The following LRRFIP2 variants were observed in gnomAD, a reference collection of about 807,000 sequenced individuals.
LRRFIP2 encodes the protein LRR binding FLII interacting protein 2, also known as leucine-rich repeat flightless-interacting protein 2.
Under a neutral mutation model 125.9 loss-of-function variants are expected in LRRFIP2, and 109 were observed. That is an observed-to-expected ratio of 0.87 (90% confidence interval 0.74 to 1.01). LRRFIP2 has a LOEUF of 1.01. LRRFIP2 is among the 50% of genes least tolerant of loss of function. The pLI, the probability that LRRFIP2 is intolerant of heterozygous loss-of-function variation, is 0.00. For missense variants in LRRFIP2, 850 were observed against 862.3 expected, an observed-to-expected ratio of 0.99 and a Z score of 0.18; for synonymous variants, 291 against 293.1, an observed-to-expected ratio of 0.99 and a Z score of 0.07.
intron 2 of LRRFIP2, among the ~76,000 whole-genome samples, chr3:37,138,906 G>T (rs201027496): frequency 6.6e-6 from 1 of 152,014 alleles, no homozygotes; most frequent in South Asian, 2.1e-4. Flanking sequence ...GCTTCTCTTT[G>T]GCATATCCAA....
chr3:37,114,757 C>G (rs1219545954), intron 7 of LRRFIP2, among the ~76,000 whole-genome samples: 2 of 151,484 alleles, frequency 1.3e-5, no homozygotes, highest in Non-Finnish European at 2.9e-5. Context: ...CCACTGCACT[C>G]CAGCCTGGTT....
intron 21 of LRRFIP2, among the ~76,000 whole-genome samples, chr3:37,070,334 G>A (rs1559698994): frequency 6.6e-6 from 1 of 151,582 alleles, no homozygotes; most frequent in Non-Finnish European, 1.5e-5. Flanking sequence ...GGCTGGTCTC[G>A]AACTCTTGAC....
chr3:37,108,278 C>G (rs2094421243), intron 12 of LRRFIP2, 149 bp from the exon 13 acceptor site: 1 of 645,428 alleles, frequency 1.5e-6, no homozygotes, highest in African/African-American at 1.8e-5. Context: ...ACCTCATCCC[C>G]ACCCTCAAGA....
chr3:37,065,336 C>G (rs991417094), intron 23 of LRRFIP2: 5 of 288,318 alleles, frequency 1.7e-5, no homozygotes, highest in Middle Eastern at 1.3e-3. Context: ...GGAAGTCATA[C>G]TTCTCTGATA....
chr3:37,153,878 GATCAAGGACT>G lies in LRRFIP2; in HGVS notation c.-55-4850_-55-4841del, dbSNP rs148984316. On this transcript the variant is annotated intron_variant, in intron 1 of 27. Transcript: ENST00000336686. ...TACCTTTTTCAGTTCACATGATGCA[GATCAAGGACT>G]ACCTAGTTCAAAGGATAACCTAGTA... 7.8e-4 allele frequency among the ~76,000 whole-genome samples: 118 copies of G among 152,234 alleles called. 1 individual carries two copies. In the East Asian group the frequency reaches 0.021, roughly 28 times the overall value.
intron 6 of LRRFIP2, among the ~76,000 whole-genome samples, chr3:37,118,069 C>T (rs1271712874): frequency 6.6e-6 from 1 of 152,080 alleles, no homozygotes; most frequent in African/African-American, 2.4e-5. Flanking sequence ...GGCAATGTAT[C>T]CCTACTGCTC....
intron 1 of LRRFIP2, among the ~76,000 whole-genome samples, 169 bp from the exon 2 acceptor site, chr3:37,149,207 C>T (rs889185172): frequency 6.6e-6 from 1 of 152,130 alleles, no homozygotes; most frequent in Non-Finnish European, 1.5e-5. Context: ...ACTAAAACTC[C>T]TACTTCTTTT....
chr3:37,111,128 A>G, intron 8 of LRRFIP2, 63 bp from the exon 9 acceptor site: 1 of 1,392,712 alleles, frequency 7.2e-7, no homozygotes, highest in Admixed American at 1.8e-5. Context: ...AACAACACAC[A>G]AAGGCAAAAC....
At chr3:37,173,980 A>AT (rs1279690962) in intron 1 of LRRFIP2, 2 of 152,194 alleles carry the variant, frequency 1.3e-5, no homozygotes, top group African/African-American at 4.8e-5. Context: ...TCCAAAAGGG[A>AT]TTTTCCAAAA....
At chr3:37,161,179 T>TAAAAAAAAAAA (rs60688555) in intron 1 of LRRFIP2, among the ~76,000 whole-genome samples, 1 of 88,142 alleles carries the variant, frequency 1.1e-5, no homozygotes, top group Non-Finnish European at 2.2e-5. Context: ...CCCCATCTAC[T>TAAAAAAAAAAA]AAAAAAAAAA....
chr3:37,154,013 CAA>C (rs767900386), intron 1 of LRRFIP2, among the ~76,000 whole-genome samples: 1 of 142,832 alleles, frequency 7.0e-6, no homozygotes, highest in African/African-American at 2.6e-5. Flanking sequence ...TCTGTCTTTA[CAA>C]AAAAAAAAAA....
rs1339869907 is a variant in LRRFIP2 at position 37,160,151 on chromosome 3, G to GGGGAA, written c.-55-11118_-55-11114dup. Among the ~76,000 whole-genome samples the GGGGAA allele has an allele frequency of 2.0e-5, 3 of 152,060 alleles. No individual in the cohort carries two copies. In the East Asian group the frequency reaches 5.8e-4, roughly 29 times the overall value. Reference sequence around the variant, plus strand: ...AAGTTCTAGAAGACAAAGGGGCTCTGGGGAAGGGAAGGGTAAGCAATGGGA... The same window carrying GGGGAA: ...AAGTTCTAGAAGACAAAGGGGCTCTGGGGAAGGGAAGGGAAGGGTAAGCAATGGGA... On this transcript the variant is annotated intron_variant, in intron 1 of 27. Transcript: ENST00000336686.
At chr3:37,164,858 T>C (rs2096437389) in intron 1 of LRRFIP2, among the ~76,000 whole-genome samples, 1 of 152,108 alleles carries the variant, frequency 6.6e-6, no homozygotes, top group African/African-American at 2.4e-5. Flanking sequence ...TGAATGTAGG[T>C]GGGTCCTGTG....
chr3:37,073,277 T>C (rs983371729), intron 20 of LRRFIP2, among the ~76,000 whole-genome samples: 2 of 152,252 alleles, frequency 1.3e-5, no homozygotes, highest in Non-Finnish European at 2.9e-5. Flanking sequence ...TGATCTTTCA[T>C]CTTAGAGAAC....
chr3:37,075,017 T>C lies in LRRFIP2; in HGVS notation c.1371+7A>G, dbSNP rs752014786. 6.2e-7 allele frequency: 1 copy of C among 1,602,240 alleles called. No homozygotes were observed. The highest frequency in any genetic ancestry group is 8.5e-7 in the Non-Finnish European group (1 of 1,170,234). On this transcript the variant is annotated splice_region_variant and intron_variant, in intron 20 of 27. Coordinates refer to ENST00000336686, the MANE Select transcript of LRRFIP2 (RefSeq NM_006309.4). ...AAATTAAGTATTCCCACAGTTCATG[T>C]ACATACCTCAATAAGCTCATCTCTT...
At chr3:37,082,442 A>T (rs527530241) in intron 19 of LRRFIP2, among the ~76,000 whole-genome samples, 16 of 152,184 alleles carry the variant, frequency 1.1e-4, no homozygotes, top group Non-Finnish European at 1.9e-4. Context: ...CTGTCCCCAC[A>T]CACGCACAGT....
intron 21 of LRRFIP2, among the ~76,000 whole-genome samples, chr3:37,069,239 G>C (rs747145647): frequency 2.0e-5 from 3 of 152,132 alleles, no homozygotes; most frequent in African/African-American, 7.2e-5. Context: ...CCACTTCTGG[G>C]TACATACCGA....
rs1161959296 is a variant in LRRFIP2 at position 37,115,242 on chromosome 3, T to TA, written c.331-148dup. ...AACATGAAAGCTAATCCAGTTGAAT[T>TA]AAAAAATATTCTTCCTCCTACTTTT... On this transcript the variant is annotated intron_variant, in intron 6 of 27. Coordinates refer to ENST00000336686, the MANE Select transcript of LRRFIP2 (RefSeq NM_006309.4). The TA allele has an allele frequency of 8.7e-6, 5 of 573,066 alleles. No individual in the cohort carries two copies. In the East Asian group the frequency reaches 1.4e-4, roughly 16 times the overall value. The allele number at this position is 573,066 out of a possible 1,614,324, so 35.5% of individuals were successfully genotyped here.
At chr3:37,089,404 G>C (rs2149138911) in intron 18 of LRRFIP2, among the ~76,000 whole-genome samples, 1 of 152,280 alleles carries the variant, frequency 6.6e-6, no homozygotes, top group African/African-American at 2.4e-5. Flanking sequence ...GAGTGGTTGA[G>C]AGCATCCCAA....
Sources: gnomAD v4.1 joint callset for allele counts (sites outside exome capture counted in the v4.1 genomes callset) on GRCh38, gnomAD v4.1.1 for gene constraint, MANE v1.5 for transcripts, NCBI Gene and HGNC (gene_info 2026-07-23, HGNC 2026-07-21) for gene names.